Variants in CCDC91 observed in about 807,000 individuals in gnomAD.
CCDC91 encodes coiled-coil domain containing 91, also known as coiled-coil domain-containing protein 91.
In CCDC91, 48 loss-of-function variants were observed where a neutral mutation model predicts 63.2. That is an observed-to-expected ratio of 0.76 (90% confidence interval 0.60 to 0.97). The LOEUF is 0.97. Among genes scored for constraint, CCDC91 ranks in the 50% least tolerant of loss-of-function variants. CCDC91 has a pLI of 0.00. For missense variants in CCDC91, 500 were observed against 494.6 expected (o/e 1.01, Z -0.10); for synonymous variants, 167 against 165.8 (o/e 1.01, Z -0.06).
intron 11 of CCDC91, among the ~76,000 whole-genome samples, chr12:28,480,080 C>T (rs905057148): frequency 6.6e-6 from 1 of 151,970 alleles, no homozygotes; most frequent in Admixed American, 6.6e-5. Context: ...TCCACTTTTC[C>T]CAAGAGAGCC....
intron 6 of CCDC91, among the ~76,000 whole-genome samples, chr12:28,361,864 T>C (rs1478729403): frequency 1.5e-5 from 2 of 129,048 alleles, no homozygotes; most frequent in African/African-American, 5.7e-5. Flanking sequence ...TTATCTGTTT[T>C]CTGTGTGTGT....
intron 5 of CCDC91, 113 bp downstream of exon 5, chr12:28,307,058 T>C (rs1204132234): frequency 1.4e-6 from 1 of 720,326 alleles, no homozygotes; most frequent in Non-Finnish European, 2.3e-6. Flanking sequence ...TCTCCCTTGG[T>C]TGTAGGTTTA....
At chr12:28,326,463 A>G (rs951831188) in intron 6 of CCDC91, among the ~76,000 whole-genome samples, 1 of 150,926 alleles carries the variant, frequency 6.6e-6, no homozygotes, top group Non-Finnish European at 1.5e-5. Context: ...AGTTAGTTAC[A>G]TATGTATACA....
At chr12:28,466,000 ACTCTGAATTGAAAATGCAAT>A (rs766113609) in intron 11 of CCDC91, among the ~76,000 whole-genome samples, 29 of 152,096 alleles carry the variant, frequency 1.9e-4, no homozygotes, top group Non-Finnish European at 3.1e-4. Context: ...TCAAGCAGAA[ACTCTGAATTGAAAATGCAAT>A]TGGCATACTG....
intron 11 of CCDC91, among the ~76,000 whole-genome samples, chr12:28,459,033 C>T (rs1231687395): frequency 6.6e-6 from 1 of 152,114 alleles, no homozygotes; most frequent in African/African-American, 2.4e-5. Context: ...CTGTCTAGCT[C>T]GTCTGCTGCT....
intron 12 of CCDC91, among the ~76,000 whole-genome samples, chr12:28,513,111 A>G (rs1486712937): frequency 6.6e-6 from 1 of 151,904 alleles, no homozygotes; most frequent in Non-Finnish European, 1.5e-5. Context: ...CTGGCAAGTC[A>G]TAGATCCTCA....
At chr12:28,360,252 C>G (rs1254649749) in intron 6 of CCDC91, among the ~76,000 whole-genome samples, 6 of 152,118 alleles carry the variant, frequency 3.9e-5, no homozygotes, top group Admixed American at 6.6e-5. Flanking sequence ...GAAATGGAAC[C>G]TGTTTAATCA....
Position 28,400,865 on chromosome 12 carries a change from C to T in CCDC91, c.762+9454C>T, listed in dbSNP as rs538329906. 3.3e-5 allele frequency among the ~76,000 whole-genome samples: 5 copies of T among 152,296 alleles called. No individual in the cohort carries two copies. In the East Asian group the frequency reaches 9.7e-4, roughly 29 times the overall value. On this transcript the variant is annotated intron_variant, in intron 8 of 12. Transcript: ENST00000536442. Reference sequence around the variant, plus strand: ...GTTCATCATCTCCATCTGAGACCACCTTAGCCTGGACTTATTGTCCATATC... The same window carrying T: ...GTTCATCATCTCCATCTGAGACCACTTTAGCCTGGACTTATTGTCCATATC...
At chr12:28,532,551 T>A (rs1941827789) in intron 12 of CCDC91, among the ~76,000 whole-genome samples, 1 of 152,036 alleles carries the variant, frequency 6.6e-6, no homozygotes, top group Admixed American at 6.6e-5. Flanking sequence ...TACAAAAGTT[T>A]AAGGAAAGAG....
intron 3 of CCDC91, chr12:28,302,497 T>A (rs1938182621): frequency 7.0e-6 from 2 of 283,690 alleles, no homozygotes; most frequent in Non-Finnish European, 1.1e-5. Context: ...GTTATTGTAA[T>A]TTGCCTAAGG....
At chr12:28,403,931 C>CTGCT (rs1438183556) in intron 8 of CCDC91, among the ~76,000 whole-genome samples, 2 of 152,008 alleles carry the variant, frequency 1.3e-5, no homozygotes, top group Non-Finnish European at 2.9e-5. Context: ...CTTGGCTAGT[C>CTGCT]TGCTAGAGCC....
chr12:28,390,163 G>C (rs1945844900), intron 7 of CCDC91, among the ~76,000 whole-genome samples: 1 of 152,122 alleles, frequency 6.6e-6, no homozygotes, highest in Non-Finnish European at 1.5e-5. Flanking sequence ...TTGAAAATTT[G>C]AGACTTATTT....
chr12:28,531,638 G>A (rs1201253448), intron 12 of CCDC91, among the ~76,000 whole-genome samples: 1 of 152,094 alleles, frequency 6.6e-6, no homozygotes, highest in Non-Finnish European at 1.5e-5. Flanking sequence ...TTTGATGGCA[G>A]AATATCATTT....
rs373956392 is a variant in CCDC91, at chr12:28,445,811, A to ACG, written c.763-4347_763-4346dup. On this transcript the variant is annotated intron_variant, in intron 8 of 12. Transcript: ENST00000536442. ...GGCTGTGTGCTCACACAGAGAGAATACGCGAGTGCTCTTTTCCCCATCCTC... is the reference window on the plus strand; with the variant it reads ...GGCTGTGTGCTCACACAGAGAGAATACGCGCGAGTGCTCTTTTCCCCATCCTC... Among the ~76,000 whole-genome samples the ACG allele has an allele frequency of 8.0e-4, 122 of 152,214 alleles. No individual in the cohort carries two copies. In the South Asian group the frequency reaches 0.012, roughly 15 times the overall value.
In CCDC91 at chr12:28,417,539, T is replaced by C. The variant is rs191071782; in HGVS notation, c.762+26128T>C. ...GTTTTAGTATTTTTCTTTTGTCTTTTTATTTTTCCCCAGCTTTATTGAGGC... is the reference window on the plus strand; with the variant it reads ...GTTTTAGTATTTTTCTTTTGTCTTTCTATTTTTCCCCAGCTTTATTGAGGC... On this transcript the variant is annotated intron_variant, in intron 8 of 12. Transcript: ENST00000536442. Among the ~76,000 whole-genome samples the C allele has an allele frequency of 1.9e-4, 29 of 151,944 alleles. 1 individual carries two copies. In the South Asian group the frequency reaches 4.8e-3, roughly 25 times the overall value.
chr12:28,299,798 C>T (rs1448448086), intron 3 of CCDC91, among the ~76,000 whole-genome samples: 1 of 151,430 alleles, frequency 6.6e-6, no homozygotes, highest in Admixed American at 6.6e-5. Flanking sequence ...TTTGGTAAAT[C>T]GTTCACATCT....
chr12:28,459,846 T>G (rs1381004523), intron 11 of CCDC91, among the ~76,000 whole-genome samples: 1 of 152,142 alleles, frequency 6.6e-6, no homozygotes, highest in African/African-American at 2.4e-5. Context: ...AGATACCATG[T>G]TTTAAAAGAC....
intron 8 of CCDC91, among the ~76,000 whole-genome samples, chr12:28,400,885 C>T (rs1477854478): frequency 6.6e-6 from 1 of 152,170 alleles, no homozygotes; most frequent in Non-Finnish European, 1.5e-5. Context: ...ACTTATTGTC[C>T]ATATCACTAT....
At position 28,477,514 on chromosome 12, in the gene CCDC91, G is replaced by T. The variant is rs193064017; in HGVS notation, c.1102-6538G>T. 8.3e-4 allele frequency among the ~76,000 whole-genome samples: 126 copies of T among 151,950 alleles called. 1 individual carries two copies. The highest frequency in any genetic ancestry group is 1.1e-3 in the Non-Finnish European group (76 of 67,990). On this transcript the variant is annotated intron_variant, in intron 11 of 12. Coordinates refer to ENST00000536442, the MANE Select transcript of CCDC91 (RefSeq NM_018318.5). Reference sequence around the variant, plus strand: ...GACAAACCCACAGCCAATATCATACGGAATGGGCAAAAACTGGAAGCATTC... The same window carrying T: ...GACAAACCCACAGCCAATATCATACTGAATGGGCAAAAACTGGAAGCATTC...
Sources: allele counts gnomAD v4.1 joint callset (sites outside exome capture counted in the v4.1 genomes callset), GRCh38; gene constraint gnomAD v4.1.1; transcripts MANE v1.5; gene names NCBI Gene and HGNC (gene_info 2026-07-23, HGNC 2026-07-21).